Variants in SECISBP2L observed in about 807,000 individuals in gnomAD.
SECISBP2L encodes SECIS binding protein 2 like, also known as selenocysteine insertion sequence-binding protein 2-like.
A neutral mutation model predicts 114.7 loss-of-function variants in SECISBP2L; 43 were observed. The observed-to-expected ratio is 0.38, with a 90% CI of 0.29 to 0.48. The LOEUF (loss-of-function observed/expected upper bound fraction) is 0.48. Ranked by LOEUF, SECISBP2L falls within the 20% of genes least tolerant of loss-of-function variation. SECISBP2L has a pLI of 0.98. For missense variants in SECISBP2L, 1,136 were observed against 1,301.1 expected, an observed-to-expected ratio of 0.87 and a Z score of 1.95; for synonymous variants, 451 against 439.7, an observed-to-expected ratio of 1.03 and a Z score of -0.32.
intron 11 of SECISBP2L, among the ~76,000 whole-genome samples, chr15:49,014,167 T>C (rs567280613): frequency 5.6e-4 from 85 of 152,330 alleles, no homozygotes; most frequent in African/African-American, 1.9e-3. Context: ...CTCTTCACTC[T>C]ACTCTAATTT....
intron 9 of SECISBP2L, 24 bp from the exon 10 acceptor site, chr15:49,017,039 T>G: frequency 1.2e-6 from 2 of 1,604,140 alleles, no homozygotes; most frequent in South Asian, 2.2e-5. Context: ...AAAAAACACA[T>G]TTGTTAGTGA....
At chr15:49,023,143 A>C (rs1394695588) in intron 7 of SECISBP2L, among the ~76,000 whole-genome samples, 1 of 152,230 alleles carries the variant, frequency 6.6e-6, no homozygotes, top group Non-Finnish European at 1.5e-5. Flanking sequence ...AAAAATAAAA[A>C]GGAAAACCTA....
At chr15:49,043,542 T>C (rs1903183496) in intron 1 of SECISBP2L, among the ~76,000 whole-genome samples, 1 of 151,332 alleles carries the variant, frequency 6.6e-6, no homozygotes, top group Non-Finnish European at 1.5e-5. Context: ...TTCCTAAAAA[T>C]AGAACCAGTA....
chr15:48,992,143 G>A lies in SECISBP2L; in HGVS notation c.*101C>T, dbSNP rs923679879. ...AAAATATTTGTTGGGAATTAAATACGTATATTAAATACTGGACAGTGCAAA... is the reference window on the plus strand; with the variant it reads ...AAAATATTTGTTGGGAATTAAATACATATATTAAATACTGGACAGTGCAAA... On this transcript the variant is annotated 3_prime_UTR_variant, in exon 18 of 18. Transcript: ENST00000559471. 2.3e-5 allele frequency: 24 copies of A among 1,059,774 alleles called. No homozygotes were observed. The highest frequency in any genetic ancestry group is 4.2e-4 in the Middle Eastern group (2 of 4,764). 65.6% of individuals were successfully genotyped at this position (1,059,774 alleles called of 1,614,324 possible). A position where few individuals can be genotyped will look rare whatever the true frequency, so the allele number is the denominator to read the frequency against.
intron 6 of SECISBP2L, 105 bp from the exon 7 acceptor site, chr15:49,027,585 T>C (rs1902770886): frequency 1.7e-6 from 1 of 585,660 alleles, no homozygotes; most frequent in South Asian, 3.4e-5. Context: ...AATGTAATAG[T>C]GAAAATTTTT....
chr15:49,004,786 T>C (rs975783567), intron 14 of SECISBP2L, among the ~76,000 whole-genome samples: 1 of 152,178 alleles, frequency 6.6e-6, no homozygotes, highest in African/African-American at 2.4e-5. Context: ...ATTGCACTTG[T>C]TTTGAGAGAC....
rs66527715 is a variant in SECISBP2L, at chr15:49,040,527, C to CTTTTTTTTTT, written c.25-2768_25-2759dup. Among the ~76,000 whole-genome samples, 9 of 63,186 alleles carry CTTTTTTTTTT rather than the reference C, an allele frequency of 1.4e-4. 1 individual carries two copies. Among genetic ancestry groups the CTTTTTTTTTT allele is most frequent in the African/African-American group, 1.9e-4 (3 of 16,158 alleles). The allele number at this position is 63,186 out of a possible 152,430, so 41.5% of individuals were successfully genotyped here. A position where few individuals can be genotyped will look rare whatever the true frequency, so the allele number is the denominator to read the frequency against. On this transcript the variant is annotated intron_variant, in intron 1 of 17. Coordinates refer to ENST00000559471, the MANE Select transcript of SECISBP2L (RefSeq NM_001193489.2). The stretch of plus-strand genomic sequence containing the variant: ...AGGAGTGTTATGATCCCAAACTATT[C>CTTTTTTTTTT]TTTTTTTTTTTTTTTTTTTTTTTTT...
chr15:49,030,059 A>C (rs199774676), intron 4 of SECISBP2L, among the ~76,000 whole-genome samples: 12 of 147,836 alleles, frequency 8.1e-5, no homozygotes, highest in Admixed American at 3.4e-4. Context: ...AAAAAAAAAA[A>C]CAAAAAACAA....
At chr15:49,042,101 T>TA (rs1903145443) in intron 1 of SECISBP2L, among the ~76,000 whole-genome samples, 1 of 152,218 alleles carries the variant, frequency 6.6e-6, no homozygotes, top group African/African-American at 2.4e-5. Context: ...GTTACTTTTT[T>TA]AAAAAACCAG....
At chr15:49,025,269 A>T (rs964453329) in intron 7 of SECISBP2L, among the ~76,000 whole-genome samples, 1 of 152,198 alleles carries the variant, frequency 6.6e-6, no homozygotes, top group South Asian at 2.1e-4. Context: ...GTTAAGGTAC[A>T]TATGAAGTAC....
chr15:48,988,692 T>C lies in SECISBP2L; in HGVS notation c.*3552A>G, dbSNP rs1826148932. On this transcript the variant is annotated 3_prime_UTR_variant, in exon 18 of 18. Coordinates refer to ENST00000559471, the MANE Select transcript of SECISBP2L (RefSeq NM_001193489.2). ...AGAAGAATCCCCACTAGTATTTACA[T>C]AGTGCAAAAAAGCTGTTATTACCCC... 5 of 443,788 alleles carry C rather than the reference T, an allele frequency of 1.1e-5. No individual in the cohort carries two copies. Among genetic ancestry groups the C allele is most frequent in the Non-Finnish European group, 2.3e-5 (5 of 220,750 alleles). 27.5% of individuals were successfully genotyped at this position (443,788 alleles called of 1,614,324 possible). A position where few individuals can be genotyped will look rare whatever the true frequency, so the allele number is the denominator to read the frequency against.
chr15:49,022,722 A>G (rs1015579509), intron 7 of SECISBP2L, among the ~76,000 whole-genome samples: 13 of 152,224 alleles, frequency 8.5e-5, no homozygotes, highest in African/African-American at 3.1e-4. Context: ...AACAGAATAG[A>G]AAGTCCAGAA....
intron 2 of SECISBP2L, among the ~76,000 whole-genome samples, chr15:49,036,585 T>C (rs1407702157): frequency 1.2e-4 from 19 of 152,254 alleles, no homozygotes. Flanking sequence ...TTAAATTTAG[T>C]TTCATGAATC....
chr15:48,996,319 A>T, intron 17 of SECISBP2L, 48 bp downstream of exon 17: 1 of 1,487,540 alleles, frequency 6.7e-7, no homozygotes, highest in Non-Finnish European at 9.3e-7. Flanking sequence ...AAAGTCATTT[A>T]AATCATCTCA....
intron 1 of SECISBP2L, among the ~76,000 whole-genome samples, chr15:49,038,431 T>TA (rs79850913): frequency 0.032 from 3,327 of 104,010 alleles, 83 homozygotes; most frequent in African/African-American, 0.094. Flanking sequence ...TTAAAAGACA[T>TA]AAAAAAAAAA....
rs1903043888 is a variant in SECISBP2L at position 49,037,784 on chromosome 15, T to C, written c.25-15A>G. On this transcript the variant is annotated splice_polypyrimidine_tract_variant and intron_variant, in intron 1 of 17. Coordinates refer to ENST00000559471, the MANE Select transcript of SECISBP2L (RefSeq NM_001193489.2). ...AGCTTGACATTCTTCAAAGAGAAAGTAGAATACATTAATAACAAATGAGCA... is the reference window on the plus strand; with the variant it reads ...AGCTTGACATTCTTCAAAGAGAAAGCAGAATACATTAATAACAAATGAGCA... 3 of 1,577,960 alleles carry C rather than the reference T, an allele frequency of 1.9e-6. No homozygotes were observed. Among genetic ancestry groups the C allele is most frequent in the Non-Finnish European group, 2.6e-6 (3 of 1,159,292 alleles).
intron 17 of SECISBP2L, among the ~76,000 whole-genome samples, chr15:48,993,353 G>A (rs1902029380): frequency 6.6e-6 from 1 of 152,002 alleles, no homozygotes; most frequent in Non-Finnish European, 1.5e-5. Flanking sequence ...GAAACAGGGA[G>A]GTAAAAATAA....
intron 11 of SECISBP2L, among the ~76,000 whole-genome samples, chr15:49,013,755 GA>G (rs1902485271): frequency 6.6e-6 from 1 of 152,134 alleles, no homozygotes; most frequent in African/African-American, 2.4e-5. Flanking sequence ...CCAACCACCT[GA>G]AAGGAGGTGG....
rs1383227112 is a variant in SECISBP2L, at chr15:48,991,323, CTCAA to C, written c.*917_*920del. 7.9e-5 allele frequency: 12 copies of C among 152,474 alleles called. No individual in the cohort carries two copies. The highest frequency in any genetic ancestry group is 2.7e-4 in the African/African-American group (11 of 41,422). The allele number at this position is 152,474 out of a possible 1,614,324, so 9.4% of individuals were successfully genotyped here. The stretch of plus-strand genomic sequence containing the variant: ...TTTGCACTCAGGACAAGTTTGGATA[CTCAA>C]TCAAATCCATATCTCAAATCAAGAG... On this transcript the variant is annotated 3_prime_UTR_variant, in exon 18 of 18. Coordinates refer to ENST00000559471, the MANE Select transcript of SECISBP2L (RefSeq NM_001193489.2).
Sources: allele counts gnomAD v4.1 joint callset (sites outside exome capture counted in the v4.1 genomes callset), GRCh38; gene constraint gnomAD v4.1.1; transcripts MANE v1.5; gene names NCBI Gene and HGNC (gene_info 2026-07-23, HGNC 2026-07-21).